The following KIF26B variants were observed in gnomAD, a reference collection of about 807,000 sequenced individuals.
The protein encoded by KIF26B is kinesin-like protein KIF26B.
In KIF26B, 63 loss-of-function variants were observed where a neutral mutation model predicts 151.2. That is an observed-to-expected ratio of 0.42 (90% CI 0.34 to 0.51). The LOEUF (loss-of-function observed/expected upper bound fraction) is 0.51. Among genes scored for constraint, KIF26B ranks in the 20% least tolerant of loss-of-function variants. KIF26B has a pLI of 0.07. For missense variants in KIF26B, 2,813 were observed against 2,913.6 expected, an observed-to-expected ratio of 0.97 and a Z score of 0.79; for synonymous variants, 1,357 against 1,262.1, an observed-to-expected ratio of 1.08 and a Z score of -1.59.
chr1:245,223,547 A>AT (rs895389013), intron 2 of KIF26B, among the ~76,000 whole-genome samples: 11 of 151,914 alleles, frequency 7.2e-5, no homozygotes, highest in African/African-American at 2.4e-4. Flanking sequence ...CAATTATTCT[A>AT]TTTTTTTTCC....
chr1:245,444,409 A>G (rs1069230), intron 4 of KIF26B, among the ~76,000 whole-genome samples: 151,974 of 152,312 alleles, frequency 1, 75,818 homozygotes, highest in African/African-American at 1. Context: ...TGGGCTAAGC[A>G]GCAGCGTGGC....
chr1:245,495,813 T>C lies in KIF26B; in HGVS notation c.1167-44954T>C, dbSNP rs1245989498. ...AAACAAAAGCCAAGGAGAAAAATGA[T>C]TAAAGCCGTGAGAAAAAAATTCATT... is the stretch of plus-strand genomic sequence containing the variant. On this transcript the variant is annotated intron_variant, in intron 4 of 14. Transcript: ENST00000407071. The surrounding 1 kb of genome is among the most constrained non-coding windows in gnomAD (Gnocchi z 4.2). Among the ~76,000 whole-genome samples the C allele has an allele frequency of 1.3e-5, 2 of 152,078 alleles. No homozygotes were observed. The highest frequency in any genetic ancestry group is 4.8e-5 in the African/African-American group (2 of 41,386).
At chr1:245,182,782 C>T (rs975036000) in intron 2 of KIF26B, among the ~76,000 whole-genome samples, 31 of 152,044 alleles carry the variant, frequency 2.0e-4, no homozygotes, top group African/African-American at 7.0e-4. Flanking sequence ...ATTACAGGCA[C>T]GTGCCACCAT....
rs989110485 is a variant in KIF26B, at chr1:245,534,224, G to A, written c.1167-6543G>A. Among the ~76,000 whole-genome samples the A allele has an allele frequency of 9.2e-5, 14 of 151,656 alleles. No homozygotes were observed. In the South Asian group the frequency reaches 1.9e-3, roughly 20 times the overall value. On this transcript the variant is annotated intron_variant, in intron 4 of 14. Transcript: ENST00000407071. ...GTCCCCCAGGCTGGTGTGCAGTGGC[G>A]TGATCTTGGCTCACTGCAACCTCTG...
intron 2 of KIF26B, among the ~76,000 whole-genome samples, chr1:245,180,737 G>A (rs1367302962): frequency 6.6e-6 from 1 of 152,156 alleles, no homozygotes; most frequent in Non-Finnish European, 1.5e-5. Context: ...GTAGGGGTGG[G>A]GGAAGAGAAG....
intron 2 of KIF26B, among the ~76,000 whole-genome samples, chr1:245,230,411 A>G (rs1669971858): frequency 6.6e-6 from 1 of 152,170 alleles, no homozygotes; most frequent in Non-Finnish European, 1.5e-5. Flanking sequence ...TGTAAGAATG[A>G]CCAGAAAATG....
Position 245,367,488 on chromosome 1 carries a change from A to G in KIF26B, c.999+121A>G. On this transcript the variant is annotated intron_variant, in intron 3 of 14. Coordinates refer to ENST00000407071, the MANE Select transcript of KIF26B (RefSeq NM_018012.4). The surrounding 1 kb of genome is among the most constrained non-coding windows in gnomAD (Gnocchi z 4.2). ...CTGTAACTCAGAGCCCAGTGTTTCC[A>G]TGTGGCCCCCACAGAGTTCTCATCA... 1.1e-6 allele frequency: 1 copy of G among 951,956 alleles called. No individual in the cohort carries two copies. Among genetic ancestry groups the G allele is most frequent in the South Asian group, 1.7e-5 (1 of 58,714 alleles). 59.0% of individuals were successfully genotyped at this position (951,956 alleles called of 1,614,324 possible).
At chr1:245,484,720 C>G (rs1660240079) in intron 4 of KIF26B, among the ~76,000 whole-genome samples, 1 of 151,430 alleles carries the variant, frequency 6.6e-6, no homozygotes, top group African/African-American at 2.4e-5. Context: ...CTTCTTTCTT[C>G]TTTCCTCCTC....
rs532668920 is a variant in KIF26B at position 245,704,322 on chromosome 1, T to G, written c.*1716T>G. Reference sequence around the variant, plus strand: ...AGCGGGGAAAAAAACACTACGTTTCTTGGTCAGTGTACCTCTGGACACTGC... The same window carrying G: ...AGCGGGGAAAAAAACACTACGTTTCGTGGTCAGTGTACCTCTGGACACTGC... On this transcript the variant is annotated 3_prime_UTR_variant, in exon 15 of 15. Transcript: ENST00000407071. 9 of 152,394 alleles carry G rather than the reference T, an allele frequency of 5.9e-5. No individual in the cohort carries two copies. The highest frequency in any genetic ancestry group is 1.9e-4 in the African/African-American group (8 of 41,598). 9.4% of individuals were successfully genotyped at this position (152,394 alleles called of 1,614,324 possible).
At chr1:245,522,798 G>A (rs146481335) in intron 4 of KIF26B, among the ~76,000 whole-genome samples, 5 of 152,294 alleles carry the variant, frequency 3.3e-5, no homozygotes, top group African/African-American at 7.2e-5. Context: ...CAGGGTCTGG[G>A]GGAAATCTTC....
At chr1:245,463,233 A>G (rs888281539) in intron 4 of KIF26B, among the ~76,000 whole-genome samples, 1 of 152,168 alleles carries the variant, frequency 6.6e-6, no homozygotes, top group South Asian at 2.1e-4. Flanking sequence ...ACCTTAGCCA[A>G]TCCTCACGTC....
intron 5 of KIF26B, among the ~76,000 whole-genome samples, chr1:245,577,715 A>C (rs1227865405): frequency 1.4e-5 from 2 of 144,358 alleles, no homozygotes; most frequent in Non-Finnish European, 3.0e-5. Flanking sequence ...TCCTCACCGG[A>C]AGAGCTTTGT....
chr1:245,466,723 C>T (rs1021596815), intron 4 of KIF26B, among the ~76,000 whole-genome samples: 24 of 152,046 alleles, frequency 1.6e-4, no homozygotes, highest in African/African-American at 4.4e-4. Flanking sequence ...GTCAGGAGTT[C>T]GAGACCAGCC....
At chr1:245,429,760 C>T (rs1326890910) in intron 4 of KIF26B, among the ~76,000 whole-genome samples, 1 of 152,090 alleles carries the variant, frequency 6.6e-6, no homozygotes, top group African/African-American at 2.4e-5. Context: ...ATTACAGGCA[C>T]CTGCCACCAC....
At chr1:245,372,187 C>A (rs971477656) in intron 3 of KIF26B, among the ~76,000 whole-genome samples, 1 of 152,074 alleles carries the variant, frequency 6.6e-6, no homozygotes, top group African/African-American at 2.4e-5. Context: ...GGAGCAGAAA[C>A]CCTACTGTGA....
At chr1:245,266,623 C>T (rs943806988) in intron 2 of KIF26B, among the ~76,000 whole-genome samples, 8 of 152,050 alleles carry the variant, frequency 5.3e-5, no homozygotes, top group Non-Finnish European at 1.0e-4. Context: ...TTCCCTGCTT[C>T]AGCCTCCCGA....
intron 4 of KIF26B, among the ~76,000 whole-genome samples, chr1:245,430,985 A>G (rs1658763506): frequency 6.6e-6 from 1 of 152,192 alleles, no homozygotes; most frequent in Admixed American, 6.5e-5. Flanking sequence ...ACCTAAAAGA[A>G]CACTCAAGAA....
At chr1:245,330,158 G>A (rs1672071083) in intron 2 of KIF26B, among the ~76,000 whole-genome samples, 1 of 151,472 alleles carries the variant, frequency 6.6e-6, no homozygotes, top group African/African-American at 2.4e-5. Context: ...TGGTCCCAAG[G>A]CTCCATGTAG....
At chr1:245,379,800 G>A (rs935287228) in intron 3 of KIF26B, among the ~76,000 whole-genome samples, 6 of 151,854 alleles carry the variant, frequency 4.0e-5, no homozygotes, top group South Asian at 4.2e-4. Flanking sequence ...CTGAAACCCC[G>A]TCTCTACTAA....
Sources: gnomAD v4.1 joint callset for allele counts (sites outside exome capture counted in the v4.1 genomes callset) on GRCh38, gnomAD v4.1.1 for gene constraint, Gnocchi (gnomAD v3.1) non-coding constraint, MANE v1.5 for transcripts, NCBI Gene and HGNC (gene_info 2026-07-23, HGNC 2026-07-21) for gene names.